HIBCH: variants seen among roughly 807,000 people sequenced by gnomAD.
HIBCH encodes the protein 3-hydroxyisobutyryl-CoA hydrolase.
A neutral mutation model predicts 58.2 loss-of-function variants in HIBCH; 50 were observed. The ratio of observed to expected loss-of-function variants is 0.86; its 90% CI spans 0.68 to 1.09. The LOEUF (loss-of-function observed/expected upper bound fraction) is 1.09. HIBCH is among the 50% of genes least tolerant of loss of function. The pLI is 0.00. For missense variants in HIBCH, 450 were observed against 449.7 expected, an observed-to-expected ratio of 1.00 and a Z score of -0.01; for synonymous variants, 151 against 146.9, an observed-to-expected ratio of 1.03 and a Z score of -0.20.
intron 6 of HIBCH, among the ~76,000 whole-genome samples, chr2:190,285,070 T>A (rs1307060677): frequency 6.6e-6 from 1 of 152,192 alleles, no homozygotes; most frequent in Non-Finnish European, 1.5e-5. Flanking sequence ...TTCTCAAGTT[T>A]GTTCTCCACA....
chr2:190,256,826 T>C (rs1686937807), intron 7 of HIBCH, among the ~76,000 whole-genome samples: 2 of 152,150 alleles, frequency 1.3e-5, no homozygotes, highest in Non-Finnish European at 2.9e-5. Context: ...CTGAAATGAA[T>C]GTATAAGCTG....
intron 6 of HIBCH, among the ~76,000 whole-genome samples, chr2:190,266,987 C>T (rs1177722030): frequency 2.0e-5 from 3 of 151,946 alleles, no homozygotes; most frequent in African/African-American, 7.3e-5. Flanking sequence ...AAACTCCTGA[C>T]CTCAAGTGAC....
At chr2:190,302,887 T>C (rs1378112407) in intron 2 of HIBCH, among the ~76,000 whole-genome samples, 1 of 152,214 alleles carries the variant, frequency 6.6e-6, no homozygotes, top group Non-Finnish European at 1.5e-5. Flanking sequence ...GACTGAAAAC[T>C]GTATGGATGA....
intron 2 of HIBCH, among the ~76,000 whole-genome samples, chr2:190,297,703 T>A (rs966602927): frequency 6.6e-6 from 1 of 152,236 alleles, no homozygotes; most frequent in Non-Finnish European, 1.5e-5. Context: ...TTAACTATAC[T>A]GTGATTTCCC....
intron 6 of HIBCH, among the ~76,000 whole-genome samples, chr2:190,287,298 G>A (rs1297127926): frequency 6.6e-6 from 1 of 152,122 alleles, no homozygotes; most frequent in Non-Finnish European, 1.5e-5. Flanking sequence ...CTGACCTCAA[G>A]TGATCTGCCC....
chr2:190,198,631 CAAAAA>C (rs35125102), intron 1 of HIBCH, among the ~76,000 whole-genome samples: 12 of 70,588 alleles, frequency 1.7e-4, no homozygotes, highest in African/African-American at 5.3e-4. Context: ...GACCCTGTCT[CAAAAA>C]AAAAAAAAAA....
chr2:190,314,321 G>GTATATATACA (rs1188324512), intron 1 of HIBCH, among the ~76,000 whole-genome samples: 2 of 9,510 alleles, frequency 2.1e-4, no homozygotes, highest in Non-Finnish European at 2.2e-3. Flanking sequence ...GTATATATAT[G>GTATATATACA]TATATATGTA....
At chr2:190,274,827 T>C (rs892079731) in intron 6 of HIBCH, among the ~76,000 whole-genome samples, 3 of 152,224 alleles carry the variant, frequency 2.0e-5, no homozygotes, top group Non-Finnish European at 4.4e-5. Flanking sequence ...TATGTTGTTA[T>C]CTCTGTTGAT....
At chr2:190,234,576 TCAAA>T (rs1303448941) in intron 11 of HIBCH, among the ~76,000 whole-genome samples, 1 of 151,968 alleles carries the variant, frequency 6.6e-6, no homozygotes, top group Non-Finnish European at 1.5e-5. Flanking sequence ...TATATAAAAT[TCAAA>T]CAATCACACC....
rs1444391057 is a variant in HIBCH at position 190,281,494 on chromosome 2, T to C, written c.438+6092A>G. ...CCCAAAACCATTTGTGCCAGAGCTC[T>C]GGGCCTGTGATGAGAAAGGGAGGCT... On this transcript the variant is annotated intron_variant, in intron 6 of 13. Coordinates refer to ENST00000359678, the MANE Select transcript of HIBCH (RefSeq NM_014362.4). The surrounding 1 kb of genome is among the most constrained non-coding windows in gnomAD (Gnocchi z 5.4). Among the ~76,000 whole-genome samples, 13 of 152,122 alleles carry C rather than the reference T, an allele frequency of 8.5e-5. No homozygotes were observed.
rs1203173985 is a variant in HIBCH, at chr2:190,207,818, T to C, written c.1045+1062A>G. On this transcript the variant is annotated intron_variant, in intron 13 of 13. Coordinates refer to ENST00000359678, the MANE Select transcript of HIBCH (RefSeq NM_014362.4). The surrounding 1 kb of genome is among the most constrained non-coding windows in gnomAD (Gnocchi z 4.5). ...ATCACTTGAACCTGGGAGGTGGAGG[T>C]TGCAGTAAGCCGAAAGTGCACCACT... Among the ~76,000 whole-genome samples, 2 of 151,762 alleles carry C rather than the reference T, an allele frequency of 1.3e-5. No homozygotes were observed. Among genetic ancestry groups the C allele is most frequent in the Non-Finnish European group, 1.5e-5 (1 of 67,974 alleles).
chr2:190,297,493 G>C (rs1415113140), intron 2 of HIBCH, among the ~76,000 whole-genome samples: 1 of 152,198 alleles, frequency 6.6e-6, no homozygotes, highest in Non-Finnish European at 1.5e-5. Context: ...TGGAACAAAG[G>C]CTGGCTGAGG....
chr2:190,294,598 G>A lies in HIBCH; in HGVS notation c.252C>T (p.Ile84=), dbSNP rs1688056568. 6.2e-7 allele frequency: 1 copy of A among 1,612,560 alleles called. No individual in the cohort carries two copies. The highest frequency in any genetic ancestry group is 1.1e-5 in the South Asian group (1 of 91,008). ...CCTTTCCTCCTGCTCCCTTTATAAT[G>A]ATCAGGAAAGTTTCAGGATCTTGTT... ...KWEQDPETFL[I]IIKGAGGKAF... The change falls in exon 4 of 14, where the codon ATC becomes ATT. Residue 84 remains isoleucine (I), a synonymous_variant. Coordinates refer to ENST00000359678, the MANE Select transcript of HIBCH (RefSeq NM_014362.4).
At chr2:190,283,830 G>A (rs1437818124) in intron 6 of HIBCH, among the ~76,000 whole-genome samples, 2 of 152,202 alleles carry the variant, frequency 1.3e-5, no homozygotes, top group African/African-American at 4.8e-5. Flanking sequence ...TGCAAATGAT[G>A]TGATTATATT....
At chr2:190,305,754 TAAA>T (rs1217309590) in intron 2 of HIBCH, among the ~76,000 whole-genome samples, 1 of 152,166 alleles carries the variant, frequency 6.6e-6, no homozygotes, top group East Asian at 1.9e-4. Flanking sequence ...TGTAAAATAA[TAAA>T]AAATTATCTT....
At chr2:190,272,195 T>C (rs1687418403) in intron 6 of HIBCH, among the ~76,000 whole-genome samples, 1 of 152,224 alleles carries the variant, frequency 6.6e-6, no homozygotes, top group Non-Finnish European at 1.5e-5. Context: ...TTTGCCTGTT[T>C]GGACAGTAAG....
At position 190,210,589 on chromosome 2, in the gene HIBCH, C is replaced by T. The variant is rs918513945; in HGVS notation, c.1012-1676G>A. ...CTCCTCATAATCACCTAGTGGCTTC[C>T]CATTTTACTCAGCCAAAGTCCTTAG... On this transcript the variant is annotated intron_variant, in intron 12 of 13. Transcript: ENST00000359678. This position sits in a 1 kb window ranked among gnomAD's most constrained non-coding sequence, Gnocchi z 5.5. 1.3e-5 allele frequency among the ~76,000 whole-genome samples: 2 copies of T among 152,168 alleles called. No homozygotes were observed. Among genetic ancestry groups the T allele is most frequent in the African/African-American group, 4.8e-5 (2 of 41,446 alleles).
At position 190,315,042 on chromosome 2, in the gene HIBCH, G is replaced by C. The variant is rs1285172535; in HGVS notation, c.36-4246C>G. Among the ~76,000 whole-genome samples the C allele has an allele frequency of 6.6e-6, 1 of 151,828 alleles. No homozygotes were observed. The highest frequency in any genetic ancestry group is 1.5e-5 in the Non-Finnish European group (1 of 67,970). On this transcript the variant is annotated intron_variant, in intron 1 of 13. Transcript: ENST00000359678. The surrounding 1 kb of genome is among the most constrained non-coding windows in gnomAD (Gnocchi z 5.4). The stretch of plus-strand genomic sequence containing the variant: ...GGCTCACTGCAGGCTCTGCCTTCCG[G>C]GTTCACGCCATTCTCCTGCCTCAGT...
intron 11 of HIBCH, among the ~76,000 whole-genome samples, chr2:190,234,621 G>A (rs542770658): frequency 7.9e-5 from 12 of 152,092 alleles, no homozygotes; most frequent in South Asian, 6.2e-4. Context: ...AGGCCAAGGC[G>A]GGTGGATCAA....
Sources: allele counts gnomAD v4.1 joint callset (sites outside exome capture counted in the v4.1 genomes callset), GRCh38; gene constraint gnomAD v4.1.1; non-coding constraint Gnocchi (gnomAD v3.1); transcripts MANE v1.5; gene names NCBI Gene and HGNC (gene_info 2026-07-23, HGNC 2026-07-21).